TPRG1: variants seen among roughly 807,000 people sequenced by gnomAD.
TPRG1 encodes the protein tumor protein p63 regulated 1, also known as tumor protein p63-regulated gene 1 protein.
In TPRG1, 29 loss-of-function variants were observed where a neutral mutation model predicts 29.3. That is an observed-to-expected ratio of 0.99 (90% confidence interval 0.74 to 1.35). The LOEUF is 1.35. Among genes scored for constraint, TPRG1 ranks in the 40% most tolerant of loss-of-function variants. The pLI, the probability that TPRG1 is intolerant of heterozygous loss-of-function variation, is 0.00. For missense variants in TPRG1, 327 were observed against 335.0 expected, an observed-to-expected ratio of 0.98 and a Z score of 0.19; for synonymous variants, 130 against 116.8, an observed-to-expected ratio of 1.11 and a Z score of -0.73.
rs924801051 is a variant in TPRG1, at chr3:189,243,854, C to T, written c.479+4945C>T. Among the ~76,000 whole-genome samples, 14 of 152,174 alleles carry T rather than the reference C, an allele frequency of 9.2e-5. 1 individual carries two copies. The highest frequency in any genetic ancestry group is 2.6e-4 in the Admixed American group (4 of 15,270). On this transcript the variant is annotated intron_variant, in intron 4 of 5. Coordinates refer to ENST00000345063, the MANE Select transcript of TPRG1 (RefSeq NM_198485.4). ...CAGTTCCAAATAAGTTTCTCATTTA[C>T]ATTTGAGACTTAATTAGCCTGGCTT...
chr3:189,302,652 C>G (rs915258328), intron 4 of TPRG1, among the ~76,000 whole-genome samples: 2 of 152,198 alleles, frequency 1.3e-5, no homozygotes, highest in Admixed American at 1.3e-4. Flanking sequence ...CATTTAGATG[C>G]TCACAACTTA....
chr3:189,262,397 T>C (rs1308821727), intron 4 of TPRG1, among the ~76,000 whole-genome samples: 3 of 152,030 alleles, frequency 2.0e-5, no homozygotes, highest in Non-Finnish European at 4.4e-5. Context: ...TGGGGGTGCC[T>C]GAGAGGCTAT....
chr3:189,126,368 C>A (rs980498502), intron 1 of TPRG1, among the ~76,000 whole-genome samples: 1 of 152,152 alleles, frequency 6.6e-6, no homozygotes, highest in African/African-American at 2.4e-5. Context: ...GGAATCTGCT[C>A]AGAGAACAAG....
At chr3:189,292,513 A>G (rs545710906) in intron 4 of TPRG1, among the ~76,000 whole-genome samples, 21 of 152,264 alleles carry the variant, frequency 1.4e-4, no homozygotes, top group African/African-American at 5.1e-4. Flanking sequence ...AATAACACAC[A>G]GCTAATAGGG....
chr3:189,280,288 G>GAATA (rs1328334693), intron 4 of TPRG1, among the ~76,000 whole-genome samples: 3 of 98,890 alleles, frequency 3.0e-5, no homozygotes, highest in African/African-American at 1.5e-4. Context: ...TAAATGAATG[G>GAATA]ATATATATAA....
intron 4 of TPRG1, among the ~76,000 whole-genome samples, chr3:189,254,776 T>C (rs1711534755): frequency 6.6e-6 from 1 of 152,188 alleles, no homozygotes; most frequent in African/African-American, 2.4e-5. Flanking sequence ...TTATTCTCTT[T>C]TGTAGCAATT....
In TPRG1 at chr3:189,189,674, T is replaced by C. The variant is rs563237871; in HGVS notation, c.-10+17543T>C. On this transcript the variant is annotated intron_variant, in intron 1 of 5. Transcript: ENST00000345063. ...TACAGTTAGATAACATTATTAGTTA[T>C]GCAAAGGAACGTTCTTCAAGATACC... Among the ~76,000 whole-genome samples, 34 of 152,356 alleles carry C rather than the reference T, an allele frequency of 2.2e-4. No homozygotes were observed. The Middle Eastern group carries it at 0.017, about 76-fold the overall frequency.
chr3:189,041,678 A>G (rs1014159052), intron 4 of TPRG1, among the ~76,000 whole-genome samples: 2 of 152,128 alleles, frequency 1.3e-5, no homozygotes. Flanking sequence ...TTACCTGGTG[A>G]TGGGGCCCTC....
At chr3:189,064,706 C>T (rs1255781784) in intron 4 of TPRG1, among the ~76,000 whole-genome samples, 1 of 152,004 alleles carries the variant, frequency 6.6e-6, no homozygotes, top group African/African-American at 2.4e-5. Context: ...ATGATAGATG[C>T]TGCAGCCATT....
chr3:189,127,529 C>T (rs1208656691), intron 2 of TPRG1, among the ~76,000 whole-genome samples: 1 of 152,168 alleles, frequency 6.6e-6, no homozygotes, highest in East Asian at 1.9e-4. Flanking sequence ...GTCACGTTTG[C>T]TTTGGAGATA....
chr3:189,233,972 G>A (rs1053662686), intron 3 of TPRG1, among the ~76,000 whole-genome samples: 2 of 152,156 alleles, frequency 1.3e-5, no homozygotes, highest in Non-Finnish European at 2.9e-5. Context: ...CCGGACTGAA[G>A]TGGCCCTCTC....
chr3:189,078,495 G>T (rs775273466), intron 4 of TPRG1, among the ~76,000 whole-genome samples: 2 of 152,130 alleles, frequency 1.3e-5, no homozygotes, highest in African/African-American at 4.8e-5. Flanking sequence ...GATGCAGTCT[G>T]TATTTCTTAT....
At chr3:189,096,987 A>G (rs558298818), upstream of TPRG1, among the ~76,000 whole-genome samples, 4 of 152,312 alleles carry the variant, frequency 2.6e-5, no homozygotes, top group East Asian at 1.9e-4. Flanking sequence ...AACTATATGA[A>G]TGAACATTTT....
chr3:189,268,731 C>A (rs1714561987), intron 4 of TPRG1, among the ~76,000 whole-genome samples: 1 of 152,150 alleles, frequency 6.6e-6, no homozygotes, highest in Admixed American at 6.5e-5. Flanking sequence ...GTCGTAATAG[C>A]AAGATCCTGA....
At chr3:189,270,463 T>G (rs1714924302) in intron 4 of TPRG1, among the ~76,000 whole-genome samples, 1 of 152,202 alleles carries the variant, frequency 6.6e-6, no homozygotes, top group Admixed American at 6.5e-5. Flanking sequence ...AACCTCAGAA[T>G]GGCAGTGCTG....
chr3:189,235,923 A>G (rs951120225), intron 3 of TPRG1, among the ~76,000 whole-genome samples: 3 of 152,232 alleles, frequency 2.0e-5, no homozygotes, highest in Non-Finnish European at 4.4e-5. Flanking sequence ...CAATGTTGAT[A>G]TTCAAGGACC....
intron 3 of TPRG1, among the ~76,000 whole-genome samples, chr3:189,138,561 A>G (rs1274899237): frequency 6.6e-6 from 1 of 152,118 alleles, no homozygotes; most frequent in Admixed American, 6.5e-5. Context: ...TTTGCCACTC[A>G]GCTGGAGGTT....
intron 5 of TPRG1, among the ~76,000 whole-genome samples, chr3:189,319,004 A>G (rs1403503053): frequency 6.6e-6 from 1 of 152,180 alleles, no homozygotes; most frequent in African/African-American, 2.4e-5. Flanking sequence ...TCAATCATTT[A>G]CTAGTTATTT....
At chr3:189,154,706 G>C (rs1339361083) in intron 5 of TPRG1, among the ~76,000 whole-genome samples, 3 of 152,132 alleles carry the variant, frequency 2.0e-5, no homozygotes, top group Admixed American at 6.5e-5. Context: ...GCCTCCCAAA[G>C]TGCTGGGATT....
Sources: allele counts gnomAD v4.1 joint callset (sites outside exome capture counted in the v4.1 genomes callset), GRCh38; gene constraint gnomAD v4.1.1; transcripts MANE v1.5; gene names NCBI Gene and HGNC (gene_info 2026-07-23, HGNC 2026-07-21).